TMEM131: variants seen among roughly 807,000 people sequenced by gnomAD.
The protein encoded by TMEM131 is transmembrane protein 131, also known as 2610524E03Rik.
A neutral mutation model predicts 211.6 loss-of-function variants in TMEM131; 66 were observed. That is an observed-to-expected ratio of 0.31 (90% CI 0.26 to 0.38). The LOEUF (loss-of-function observed/expected upper bound fraction) is 0.38, where lower values mean the gene tolerates loss of function less well. TMEM131 is among the 10% of genes least tolerant of loss of function. TMEM131 has a pLI of 1.00. For synonymous variants in TMEM131, 844 were observed against 841.3 expected, an observed-to-expected ratio of 1.00 and a Z score of -0.06; for missense variants, 2,036 against 2,299.3, an observed-to-expected ratio of 0.89 and a Z score of 2.34.
At chr2:97,820,632 G>T (rs1682069830) in intron 11 of TMEM131, among the ~76,000 whole-genome samples, 1 of 152,124 alleles carries the variant, frequency 6.6e-6, no homozygotes, top group African/African-American at 2.4e-5. Flanking sequence ...GCCAAGGCAC[G>T]TGGATCATGA....
Position 97,756,519 on chromosome 2 carries a change from C to CTGAA in TMEM131, c.*576_*579dup, listed in dbSNP as rs1208907524. 9.9e-5 allele frequency: 15 copies of CTGAA among 152,224 alleles called. No individual in the cohort carries two copies. Among genetic ancestry groups the CTGAA allele is most frequent in the African/African-American group, 3.6e-4 (15 of 41,444 alleles). 9.4% of individuals were successfully genotyped at this position (152,224 alleles called of 1,614,324 possible). Reference sequence around the variant, plus strand: ...GCACAGAAAATGCATATGGTCTCAACTGAATGTTTTTACATTCATTCACCG... The same window carrying CTGAA: ...GCACAGAAAATGCATATGGTCTCAACTGAATGAATGTTTTTACATTCATTCACCG... On this transcript the variant is annotated 3_prime_UTR_variant, in exon 41 of 41. Transcript: ENST00000186436.
Position 97,812,500 on chromosome 2 carries a change from G to A in TMEM131, c.1784C>T (p.Ala595Val), listed in dbSNP as rs771431455. The A allele has an allele frequency of 6.2e-7, 1 of 1,612,408 alleles. No homozygotes were observed. Among genetic ancestry groups the A allele is most frequent in the Admixed American group, 1.7e-5 (1 of 59,748 alleles). The change falls in exon 17 of 41, where the codon GCT (alanine) becomes GTT (valine). Residue 595 changes from alanine (A) to valine (V), a missense_variant. Transcript: ENST00000186436. The part of the protein sequence containing the change: ...IGDGLSIELV[A>V]VERGNRTTII... Reference sequence around the variant, plus strand: ...TGTAGTTCTATTGCCTCTTTCCACAGCTACAAGTTCTATTGATAAACCGTC... The same window carrying A: ...TGTAGTTCTATTGCCTCTTTCCACAACTACAAGTTCTATTGATAAACCGTC...
At chr2:97,947,103 T>G (rs528300549) in intron 1 of TMEM131, among the ~76,000 whole-genome samples, 2 of 152,184 alleles carry the variant, frequency 1.3e-5, no homozygotes, top group South Asian at 4.1e-4. Flanking sequence ...ACAGCTATCA[T>G]CATACTTAAT....
intron 3 of TMEM131, among the ~76,000 whole-genome samples, chr2:97,894,575 T>C (rs1675522991): frequency 6.6e-6 from 1 of 152,230 alleles, no homozygotes; most frequent in African/African-American, 2.4e-5. Flanking sequence ...TGGTTTGTAG[T>C]TCTTCTTGAA....
chr2:97,942,475 T>A (rs62156515), intron 1 of TMEM131, among the ~76,000 whole-genome samples: 2 of 54,454 alleles, frequency 3.7e-5, no homozygotes, highest in Admixed American at 2.5e-4. Flanking sequence ...TAAAGTATAA[T>A]TTAAAAAAAA....
chr2:97,924,172 G>A (rs1676880004), intron 2 of TMEM131, among the ~76,000 whole-genome samples: 1 of 151,880 alleles, frequency 6.6e-6, no homozygotes, highest in African/African-American at 2.4e-5. Flanking sequence ...ATGGCTTGAG[G>A]CTAGGAATTC....
chr2:97,953,863 A>G (rs1678438701), intron 1 of TMEM131, among the ~76,000 whole-genome samples: 1 of 152,246 alleles, frequency 6.6e-6, no homozygotes, highest in Admixed American at 6.5e-5. Context: ...CAATGTAATC[A>G]GACTAGAAAT....
intron 15 of TMEM131, among the ~76,000 whole-genome samples, chr2:97,813,104 A>G (rs1681634621): frequency 6.6e-6 from 1 of 152,180 alleles, no homozygotes; most frequent in Admixed American, 6.5e-5. Context: ...CTTTTGAGTA[A>G]TCAGAAATGA....
At chr2:97,828,733 T>C (rs1682514800) in intron 11 of TMEM131, among the ~76,000 whole-genome samples, 1 of 152,236 alleles carries the variant, frequency 6.6e-6, no homozygotes, top group Non-Finnish European at 1.5e-5. Flanking sequence ...CAGTCAGGGA[T>C]ACTACAGCGT....
At chr2:97,876,504 G>C (rs777537728) in intron 4 of TMEM131, among the ~76,000 whole-genome samples, 1 of 152,086 alleles carries the variant, frequency 6.6e-6, no homozygotes, top group African/African-American at 2.4e-5. Flanking sequence ...TATCCACCAC[G>C]ATCAAGTTGT....
At chr2:97,822,032 C>T (rs1682148122) in intron 11 of TMEM131, among the ~76,000 whole-genome samples, 1 of 152,188 alleles carries the variant, frequency 6.6e-6, no homozygotes, top group African/African-American at 2.4e-5. Context: ...CCTATCTATC[C>T]TATCTATCCT....
intron 1 of TMEM131, among the ~76,000 whole-genome samples, chr2:97,948,865 G>A (rs1454183236): frequency 6.6e-6 from 1 of 152,046 alleles, no homozygotes; most frequent in Non-Finnish European, 1.5e-5. Context: ...CACCATGTTA[G>A]CCAGGATGGT....
chr2:97,959,600 G>GCC (rs1678728178), intron 1 of TMEM131, among the ~76,000 whole-genome samples: 1 of 151,754 alleles, frequency 6.6e-6, no homozygotes, highest in Admixed American at 6.6e-5. Context: ...CAAACCATTT[G>GCC]AAAGCAGGCT....
rs1369844240 is a variant in TMEM131, at chr2:97,837,168, AGAGCACATGATG to A, written c.724-23_724-12del. 6.3e-7 allele frequency: 1 copy of A among 1,581,620 alleles called. No homozygotes were observed. ...GTACATTTCTACAACCTGGGGCAAA[AGAGCACATGATG>A]GCTACGTTCAAAGTCATATTCTCAA... On this transcript the variant is annotated splice_polypyrimidine_tract_variant and intron_variant, in intron 7 of 40. Transcript: ENST00000186436.
Position 97,936,233 on chromosome 2 carries a change from A to G in TMEM131, c.188-8746T>C, listed in dbSNP as rs1205654392. Reference sequence around the variant, plus strand: ...GTTGGGCCAAACAATAAGCAGACCCAAAAGTTTAAAAGGAAAAGTTGGGAA... The same window carrying G: ...GTTGGGCCAAACAATAAGCAGACCCGAAAGTTTAAAAGGAAAAGTTGGGAA... On this transcript the variant is annotated intron_variant, in intron 1 of 40. Transcript: ENST00000186436. Among the ~76,000 whole-genome samples, 8 of 152,254 alleles carry G rather than the reference A, an allele frequency of 5.3e-5. No homozygotes were observed. The East Asian group carries it at 1.5e-3, about 29-fold the overall frequency.
chr2:97,776,443 G>T (rs1333299631), intron 31 of TMEM131, among the ~76,000 whole-genome samples: 1 of 151,738 alleles, frequency 6.6e-6, no homozygotes, highest in Non-Finnish European at 1.5e-5. Flanking sequence ...ATTAAAAAAG[G>T]TTTCTTTTTT....
chr2:97,850,463 T>C (rs1347784388), intron 5 of TMEM131, among the ~76,000 whole-genome samples: 1 of 152,150 alleles, frequency 6.6e-6, no homozygotes, highest in Non-Finnish European at 1.5e-5. Flanking sequence ...TAATGTTTCC[T>C]TGGTAGTGTT....
chr2:97,890,943 A>G (rs1675351252), intron 3 of TMEM131, among the ~76,000 whole-genome samples: 1 of 152,248 alleles, frequency 6.6e-6, no homozygotes, highest in Admixed American at 6.5e-5. Context: ...TGATTCCCTC[A>G]TAAATAAAAG....
In TMEM131 at chr2:97,946,092, A is replaced by C. The variant is rs1485749355; in HGVS notation, c.188-18605T>G. Among the ~76,000 whole-genome samples, 3 of 152,240 alleles carry C rather than the reference A, an allele frequency of 2.0e-5. No individual in the cohort carries two copies. The East Asian group carries it at 5.8e-4, about 29-fold the overall frequency. ...GCTTATGCCAACACAGCTATTGTGC[A>C]GGGATTTTATCTTGCATTACATCTT... is the stretch of plus-strand genomic sequence containing the variant. On this transcript the variant is annotated intron_variant, in intron 1 of 40. Transcript: ENST00000186436.
Sources: gnomAD v4.1 joint callset for allele counts (sites outside exome capture counted in the v4.1 genomes callset) on GRCh38, gnomAD v4.1.1 for gene constraint, MANE v1.5 for transcripts, NCBI Gene and HGNC (gene_info 2026-07-23, HGNC 2026-07-21) for gene names.